FKBP15: variants seen among roughly 807,000 people sequenced by gnomAD.
FKBP15 encodes FKBP prolyl isomerase family member 15.
Under a neutral mutation model 158.1 loss-of-function variants are expected in FKBP15, and 106 were observed. The ratio of observed to expected loss-of-function variants is 0.67; its 90% CI spans 0.57 to 0.79. The LOEUF (loss-of-function observed/expected upper bound fraction) is 0.79, where lower values mean the gene tolerates loss of function less well. FKBP15 is among the 30% of genes least tolerant of loss of function. The pLI, the probability that FKBP15 is intolerant of heterozygous loss-of-function variation, is 0.00. For synonymous variants in FKBP15, 547 were observed against 548.6 expected (o/e 1.00, Z 0.04); for missense variants, 1,287 against 1,479.1 (o/e 0.87, Z 2.13).
intron 27 of FKBP15, among the ~76,000 whole-genome samples, chr9:113,167,152 T>G (rs550125495): frequency 3.3e-5 from 5 of 152,348 alleles, no homozygotes; most frequent in Non-Finnish European, 5.9e-5. Context: ...CTGACTAAAG[T>G]TCTGGCTCTA....
rs747638314 is a variant in FKBP15 at position 113,187,835 on chromosome 9, G to A, written c.1341C>T (p.Leu447=). The A allele has an allele frequency of 1.9e-5, 31 of 1,613,796 alleles. No individual in the cohort carries two copies. In the East Asian group the frequency reaches 4.5e-4, roughly 23 times the overall value. Residue 447 remains leucine, a synonymous_variant, in exon 14 of 28, where the codon CTC becomes CTT. Coordinates refer to ENST00000238256, the MANE Select transcript of FKBP15 (RefSeq NM_015258.2). ...PSAALMQVSS[L]DSHSAVSGNA... ...TTCCAGATACAGCTGAGTGGGAATC[G>A]AGAGATGACACTTGCATTAAGGCAG...
intron 2 of FKBP15, among the ~76,000 whole-genome samples, chr9:113,210,356 C>T (rs1252033417): frequency 1.3e-4 from 9 of 69,430 alleles, no homozygotes; most frequent in African/African-American, 3.9e-4. Flanking sequence ...TTTTTTGAGA[C>T]GGAGTCTTGC....
At chr9:113,183,500 C>T (rs932811956) in intron 18 of FKBP15, among the ~76,000 whole-genome samples, 3 of 152,126 alleles carry the variant, frequency 2.0e-5, no homozygotes, top group Non-Finnish European at 4.4e-5. Context: ...GAATAAATAA[C>T]ATGCCCAGAG....
intron 14 of FKBP15, chr9:113,187,404 T>C (rs1432238257): frequency 6.2e-6 from 1 of 160,288 alleles, no homozygotes; most frequent in Admixed American, 6.2e-5. Flanking sequence ...ATTTTCCACA[T>C]GGTTCCACTT....
At chr9:113,217,934 A>G (rs1201474913) in intron 1 of FKBP15, among the ~76,000 whole-genome samples, 1 of 152,198 alleles carries the variant, frequency 6.6e-6, no homozygotes, top group Non-Finnish European at 1.5e-5. Context: ...TATGTTGGCA[A>G]GAATGAGCTT....
chr9:113,161,257 T>G lies in FKBP15; in HGVS notation c.*4821A>C. 2.1e-6 allele frequency: 1 copy of G among 486,194 alleles called. No individual in the cohort carries two copies. Among genetic ancestry groups the G allele is most frequent in the Non-Finnish European group, 3.6e-6 (1 of 274,880 alleles). 30.1% of individuals were successfully genotyped at this position (486,194 alleles called of 1,614,324 possible). On this transcript the variant is annotated 3_prime_UTR_variant, in exon 28 of 28. Transcript: ENST00000238256. ...TTGTGCAGCCTGCTGGGGGAGTGGG[T>G]GGGGTAATGGTACGTGGCTTCTTCA...
chr9:113,189,536 T>G (rs1179753051), intron 12 of FKBP15, among the ~76,000 whole-genome samples: 2 of 152,092 alleles, frequency 1.3e-5, no homozygotes, highest in African/African-American at 4.8e-5. Context: ...TACACTGCAT[T>G]TCCAGACCAG....
intron 21 of FKBP15, 150 bp downstream of exon 21, chr9:113,176,387 G>T: frequency 1.2e-6 from 1 of 815,462 alleles, no homozygotes; most frequent in Non-Finnish European, 1.9e-6. Context: ...CAATGTATGA[G>T]ATTAGAGCGG....
In FKBP15 at chr9:113,194,165, T is replaced by A; in HGVS notation, c.869A>T (p.Lys290Met). Residue 290 changes from lysine (K) to methionine (M), a missense_variant, in exon 10 of 28, where the codon AAG (lysine) becomes ATG (methionine). Coordinates refer to ENST00000238256, the MANE Select transcript of FKBP15 (RefSeq NM_015258.2). ...LVFEVEVRRV[K>M]FARDSGSDGH... Reference sequence around the variant, plus strand: ...ATCAGAGCCAGAATCTCTGGCAAACTTCACCTAAGGAAACACCGCATATTC... The same window carrying A: ...ATCAGAGCCAGAATCTCTGGCAAACATCACCTAAGGAAACACCGCATATTC... 6.2e-7 allele frequency: 1 copy of A among 1,607,194 alleles called. No homozygotes were observed. Among genetic ancestry groups the A allele is most frequent in the South Asian group, 1.1e-5 (1 of 90,558 alleles).
In FKBP15 at chr9:113,163,926, A is replaced by G. The variant is rs1337177020; in HGVS notation, c.*2152T>C. 1 of 152,486 alleles carries G rather than the reference A, an allele frequency of 6.6e-6. No individual in the cohort carries two copies. The highest frequency in any genetic ancestry group is 1.5e-5 in the Non-Finnish European group (1 of 68,020). The allele number at this position is 152,486 out of a possible 1,614,324, so 9.4% of individuals were successfully genotyped here. A position where few individuals can be genotyped will look rare whatever the true frequency, so the allele number is the denominator to read the frequency against. ...AATACTGATTAAGCCATGGGCAGGT[A>G]CTGACTGAAGATGCAATCCAACCAA... is the stretch of plus-strand genomic sequence containing the variant. On this transcript the variant is annotated 3_prime_UTR_variant, in exon 28 of 28. Transcript: ENST00000238256.
rs1317779378 is a variant in FKBP15, at chr9:113,173,480, C to A, written c.2505G>T (p.Gln835His). 6.2e-7 allele frequency: 1 copy of A among 1,613,544 alleles called. No homozygotes were observed. Among genetic ancestry groups the A allele is most frequent in the Non-Finnish European group, 8.5e-7 (1 of 1,179,604 alleles). ...TTTCCTGAAGTTGTACCAGCTTCTG[C>A]TGGTAGGCATCTCTCTGTGCGCACA... ...QEVCAQRDAY[Q>H]QKLVQLQEKC... The change falls in exon 23 of 28, where the codon CAG becomes CAT. Residue 835 changes from glutamine to histidine, a missense_variant. By Grantham distance (24) the Gln-to-His change is conservative. Transcript: ENST00000238256.
In FKBP15 at chr9:113,199,825, C is replaced by A; in HGVS notation, c.637G>T (p.Val213Leu). ...GTGCATTTTCTTACCTGGCCCAGCA[C>A]ATGATTCTGAAAGAGCCAGCCGGTA... The part of the protein sequence containing the change: ...AYTGWLFQNH[V>L]LGQVFDSTAN... The change falls in exon 7 of 28, where the codon GTG becomes TTG. Residue 213 changes from valine to leucine, a missense_variant. Physicochemically the swap from Val to Leu is conservative, Grantham distance 32 (BLOSUM62 1). Transcript: ENST00000238256. The A allele has an allele frequency of 6.2e-7, 1 of 1,612,428 alleles. No homozygotes were observed. Among genetic ancestry groups the A allele is most frequent in the Non-Finnish European group, 8.5e-7 (1 of 1,179,236 alleles).
rs200512984 is a variant in FKBP15, at chr9:113,178,662, C to T, written c.2054G>A (p.Gly685Asp). 258 of 1,610,192 alleles carry T rather than the reference C, an allele frequency of 1.6e-4. No homozygotes were observed. The highest frequency in any genetic ancestry group is 2.1e-4 in the Non-Finnish European group (253 of 1,178,504). The part of the protein sequence containing the change: ...ESLKETDLLR[G>D]QLTKVQAKLS... ...CTTTGCCTGCACTTTGGTGAGCTGG[C>T]CCCTGAGAAGATCTGTCTCCTTCAG... The change falls in exon 20 of 28, where the codon GGC (glycine) becomes GAC (aspartate). Residue 685 changes from glycine (G) to aspartate (D), a missense_variant. Gly to Asp is a moderately conservative substitution (Grantham distance 94). Transcript: ENST00000238256.
intron 27 of FKBP15, among the ~76,000 whole-genome samples, chr9:113,166,604 G>A (rs1449095412): frequency 2.0e-5 from 3 of 152,204 alleles, no homozygotes; most frequent in East Asian, 1.9e-4. Context: ...TACTGTCGTC[G>A]TGGCCTAAGG....
chr9:113,176,789 C>T, intron 20 of FKBP15, 116 bp from the exon 21 acceptor site: 1 of 1,175,890 alleles, frequency 8.5e-7, no homozygotes, highest in Non-Finnish European at 1.2e-6. Context: ...TGCTCCATCA[C>T]TCAGGCTGGA....
rs1587983138 is a variant in FKBP15 at position 113,221,066 on chromosome 9, C to G, written c.53+125G>C. The G allele has an allele frequency of 3.8e-6, 4 of 1,055,278 alleles. No individual in the cohort carries two copies. In the East Asian group the frequency reaches 1.0e-4, roughly 28 times the overall value. 65.4% of individuals were successfully genotyped at this position (1,055,278 alleles called of 1,614,324 possible). The stretch of plus-strand genomic sequence containing the variant: ...CCCAGATTCTGAGAGGTGTAGAGCA[C>G]CGGAATGTGGCAAGGGTCTCCCCCC... On this transcript the variant is annotated intron_variant, in intron 1 of 27. Transcript: ENST00000238256.
chr9:113,179,322 C>T (rs1049816954), intron 19 of FKBP15, among the ~76,000 whole-genome samples: 2 of 152,046 alleles, frequency 1.3e-5, no homozygotes, highest in African/African-American at 2.4e-5. Context: ...AAGTCTTTAT[C>T]GGTTTTATAG....
In FKBP15 at chr9:113,198,039, CAT is replaced by C. The variant is rs762238511; in HGVS notation, c.717+814_717+815del. 2.6e-5 allele frequency among the ~76,000 whole-genome samples: 4 copies of C among 152,232 alleles called. No individual in the cohort carries two copies. The highest frequency in any genetic ancestry group is 2.1e-4 in the South Asian group (1 of 4,832). ...TATGTCCTGACACCATAATATACCA[CAT>C]GTGTAAAACATTCTTTATTTTATAA... On this transcript the variant is annotated intron_variant, in intron 8 of 27. Transcript: ENST00000238256. The surrounding 1 kb of genome is among the most constrained non-coding windows in gnomAD (Gnocchi z 5.2).
intron 6 of FKBP15, among the ~76,000 whole-genome samples, chr9:113,201,441 G>C (rs1830790001): frequency 6.6e-6 from 1 of 152,194 alleles, no homozygotes; most frequent in Admixed American, 6.5e-5. Flanking sequence ...GTTATGGGCT[G>C]AATGTTTGTG....
Sources: allele counts gnomAD v4.1 joint callset (sites outside exome capture counted in the v4.1 genomes callset), GRCh38; gene constraint gnomAD v4.1.1; non-coding constraint Gnocchi (gnomAD v3.1); transcripts MANE v1.5; gene names NCBI Gene and HGNC (gene_info 2026-07-23, HGNC 2026-07-21).